Variants in HUNK observed in about 807,000 individuals in gnomAD.
HUNK encodes the protein hormonally up-regulated neu tumor-associated kinase.
A neutral mutation model predicts 61.0 loss-of-function variants in HUNK; 21 were observed. The ratio of observed to expected loss-of-function variants is 0.34; its 90% CI spans 0.24 to 0.50. The LOEUF is 0.50. Ranked by LOEUF, HUNK falls within the 20% of genes least tolerant of loss-of-function variation. HUNK has a pLI of 0.98. For synonymous variants in HUNK, 371 were observed against 386.1 expected (o/e 0.96, Z 0.46); for missense variants, 772 against 945.7 (o/e 0.82, Z 2.41).
chr21:31,883,842 G>A (rs552014685), intron 1 of HUNK, among the ~76,000 whole-genome samples: 1 of 152,190 alleles, frequency 6.6e-6, no homozygotes, highest in Non-Finnish European at 1.5e-5. Context: ...AGATTACTGG[G>A]CTGAGGGTTT....
chr21:31,986,515 G>A lies in HUNK; in HGVS notation c.1257+2906G>A, dbSNP rs559807105. ...AGAGCGAGCTTTTCACCCTCGCACC[G>A]CATCATGTCACTTTCCTGCTTGAGA... On this transcript the variant is annotated intron_variant, in intron 8 of 10. Coordinates refer to ENST00000270112, the MANE Select transcript of HUNK (RefSeq NM_014586.2). Among the ~76,000 whole-genome samples the A allele has an allele frequency of 1.9e-4, 29 of 152,050 alleles. No homozygotes were observed. In the South Asian group the frequency reaches 4.8e-3, roughly 25 times the overall value.
chr21:31,891,191 A>G (rs1348825784), intron 1 of HUNK, among the ~76,000 whole-genome samples: 1 of 152,196 alleles, frequency 6.6e-6, no homozygotes, highest in Non-Finnish European at 1.5e-5. Context: ...AGCCTGGCCA[A>G]TGTGGCAAAA....
rs139080946 is a variant in HUNK at position 31,925,341 on chromosome 21, G to A, written c.554+581G>A. Among the ~76,000 whole-genome samples the A allele has an allele frequency of 3.9e-5, 6 of 152,260 alleles. No homozygotes were observed. The East Asian group carries it at 1.2e-3, about 29-fold the overall frequency. Reference sequence around the variant, plus strand: ...ACACTTCTCTCTCAGTTGGAGTAAAGGTCAATGAGTTAATATATGGGAAGA... The same window carrying A: ...ACACTTCTCTCTCAGTTGGAGTAAAAGTCAATGAGTTAATATATGGGAAGA... On this transcript the variant is annotated intron_variant, in intron 2 of 10. Coordinates refer to ENST00000270112, the MANE Select transcript of HUNK (RefSeq NM_014586.2).
chr21:31,990,260 G>A (rs539063396), intron 9 of HUNK, 84 bp downstream of exon 9: 1 of 1,286,414 alleles, frequency 7.8e-7, no homozygotes, highest in African/African-American at 1.5e-5. Flanking sequence ...GAGAGATTGA[G>A]ACTGAGATTT....
At chr21:31,979,356 A>C (rs1303100288) in intron 7 of HUNK, among the ~76,000 whole-genome samples, 1 of 151,524 alleles carries the variant, frequency 6.6e-6, no homozygotes, top group Non-Finnish European at 1.5e-5. Flanking sequence ...TGACCTTGTG[A>C]TCTGCCTGCC....
rs766929788 is a variant in HUNK, at chr21:31,960,629, A to G, written c.874+1659A>G. On this transcript the variant is annotated intron_variant, in intron 5 of 10. Transcript: ENST00000270112. ...CATAATCATGGTGGAATATGAAGGAAGAGCAAAGGGACATCTTAGATGGTG... is the reference window on the plus strand; with the variant it reads ...CATAATCATGGTGGAATATGAAGGAGGAGCAAAGGGACATCTTAGATGGTG... Among the ~76,000 whole-genome samples, 19 of 152,270 alleles carry G rather than the reference A, an allele frequency of 1.2e-4. 1 individual carries two copies. The highest frequency in any genetic ancestry group is 2.2e-4 in the Non-Finnish European group (15 of 68,002).
rs1290358028 is a variant in HUNK, at chr21:31,873,579, C to T, written c.-96C>T. 8 of 926,694 alleles carry T rather than the reference C, an allele frequency of 8.6e-6. No individual in the cohort carries two copies. The highest frequency in any genetic ancestry group is 7.2e-5 in the African/African-American group (4 of 55,848). 57.4% of individuals were successfully genotyped at this position (926,694 alleles called of 1,614,324 possible). ...GACCCAGGCGGGGCTGGGCCCAGGG[C>T]GGCGGCGGGAGAAGCCGGGGAAGCC... On this transcript the variant is annotated 5_prime_UTR_variant, in exon 1 of 11. Coordinates refer to ENST00000270112, the MANE Select transcript of HUNK (RefSeq NM_014586.2). This position sits in a 1 kb window ranked among gnomAD's most constrained non-coding sequence, Gnocchi z 6.1.
chr21:31,910,050 G>A (rs544210778), intron 1 of HUNK, among the ~76,000 whole-genome samples: 1 of 152,130 alleles, frequency 6.6e-6, no homozygotes, highest in Non-Finnish European at 1.5e-5. Context: ...TGTCAACCAG[G>A]TTTGAATTTT....
chr21:31,931,857 ACTGCCTTCTCCCAT>A (rs892665758), intron 2 of HUNK, among the ~76,000 whole-genome samples: 16 of 151,966 alleles, frequency 1.1e-4, no homozygotes, highest in African/African-American at 3.1e-4. Context: ...CAGGGGAGAG[ACTGCCTTCTCCCAT>A]CTGCCTTCTC....
At chr21:31,986,310 C>T (rs61175569) in intron 8 of HUNK, among the ~76,000 whole-genome samples, 3,273 of 151,928 alleles carry the variant, frequency 0.022, 116 homozygotes, top group African/African-American at 0.076. Flanking sequence ...CCAGAGCCAA[C>T]CCATCACCAC....
chr21:31,983,910 T>C (rs944745124), intron 8 of HUNK, among the ~76,000 whole-genome samples: 1 of 150,960 alleles, frequency 6.6e-6, no homozygotes, highest in Non-Finnish European at 1.5e-5. Flanking sequence ...GTATCAGGAG[T>C]TTTTAAAGCT....
intron 4 of HUNK, among the ~76,000 whole-genome samples, chr21:31,956,707 C>T (rs2052891664): frequency 6.6e-6 from 1 of 152,242 alleles, no homozygotes; most frequent in African/African-American, 2.4e-5. Flanking sequence ...CTTTCCCTTT[C>T]TGTTGCGTGC....
chr21:31,991,150 C>T (rs1171929650), intron 9 of HUNK, among the ~76,000 whole-genome samples: 1 of 152,182 alleles, frequency 6.6e-6, no homozygotes, highest in African/African-American at 2.4e-5. Flanking sequence ...TCTGTTACCA[C>T]CTGTATGAGA....
chr21:31,927,570 G>A (rs1230579836), intron 2 of HUNK, among the ~76,000 whole-genome samples: 1 of 151,920 alleles, frequency 6.6e-6, no homozygotes, highest in Non-Finnish European at 1.5e-5. Context: ...CATGAACCAA[G>A]AAGGCAGAGC....
intron 1 of HUNK, among the ~76,000 whole-genome samples, chr21:31,879,605 A>G (rs1052353570): frequency 6.6e-6 from 1 of 152,136 alleles, no homozygotes; most frequent in African/African-American, 2.4e-5. Flanking sequence ...AGTCACGGCT[A>G]TAGCTACCCG....
intron 2 of HUNK, among the ~76,000 whole-genome samples, chr21:31,926,210 G>T (rs542392973): frequency 6.6e-6 from 1 of 152,146 alleles, no homozygotes; most frequent in Admixed American, 6.5e-5. Context: ...GAGCCACCAC[G>T]CCCGGCATAG....
intron 1 of HUNK, among the ~76,000 whole-genome samples, chr21:31,922,421 G>T (rs1469272171): frequency 6.6e-6 from 1 of 151,028 alleles, no homozygotes. Context: ...CTACCTCCTG[G>T]GTTCAAGCGA....
rs1186502815 is a variant in HUNK at position 31,999,182 on chromosome 21, T to G, written c.2143T>G (p.Ter715GluextTer15). The change falls in exon 11 of 11, where the codon TAA becomes GAA. Residue 715 changes from the stop codon to glutamate, a stop_lost. Coordinates refer to ENST00000270112, the MANE Select transcript of HUNK (RefSeq NM_014586.2). ...DMADGVKTQC[*>E] The stretch of plus-strand genomic sequence containing the variant: ...GGCCGATGGGGTCAAGACCCAGTGC[T>G]AACTTGGGCCAGCGGGGTTTGGGGT... 1 of 1,595,304 alleles carries G rather than the reference T, an allele frequency of 6.3e-7. No homozygotes were observed. The highest frequency in any genetic ancestry group is 1.1e-5 in the South Asian group (1 of 88,906).
At chr21:31,918,999 AGCGGTATGAGGAGGAGGGGCTGGAC>A in intron 1 of HUNK, among the ~76,000 whole-genome samples, 1 of 132,584 alleles carries the variant, frequency 7.5e-6, no homozygotes, top group African/African-American at 2.7e-5. Flanking sequence ...GGCTGGACTG[AGCGGTATGAGGAGGAGGGGCTGGAC>A]TGAGCGGTAT....
Sources: gnomAD v4.1 joint callset for allele counts (sites outside exome capture counted in the v4.1 genomes callset) on GRCh38, gnomAD v4.1.1 for gene constraint, Gnocchi (gnomAD v3.1) non-coding constraint, MANE v1.5 for transcripts, NCBI Gene and HGNC (gene_info 2026-07-23, HGNC 2026-07-21) for gene names.